PLEKHG7: variants seen among roughly 807,000 people sequenced by gnomAD.
PLEKHG7 encodes pleckstrin homology and RhoGEF domain containing G7, also known as pleckstrin homology domain-containing family G member 7.
In PLEKHG7, 77 loss-of-function variants were observed where a neutral mutation model predicts 85.2. The observed-to-expected ratio is 0.90, with a 90% CI of 0.75 to 1.09. PLEKHG7 has a LOEUF of 1.09. Among genes scored for constraint, PLEKHG7 ranks in the 50% least tolerant of loss-of-function variants. The pLI is 0.00. For synonymous variants in PLEKHG7, 301 were observed against 302.4 expected (o/e 1.00, Z 0.05); for missense variants, 777 against 804.3 (o/e 0.97, Z 0.41).
At position 92,750,737 on chromosome 12, in the gene PLEKHG7, C is replaced by G. The variant is rs377539916; in HGVS notation, c.1252-3353C>G. Among the ~76,000 whole-genome samples, 7 of 152,182 alleles carry G rather than the reference C, an allele frequency of 4.6e-5. No individual in the cohort carries two copies. In the South Asian group the frequency reaches 1.0e-3, roughly 23 times the overall value. On this transcript the variant is annotated intron_variant, in intron 10 of 16. Coordinates refer to ENST00000344636, the MANE Select transcript of PLEKHG7 (RefSeq NM_001377329.1). ...GCCGCTAAAGCATAGCCCTGCTCCC[C>G]TCCACTCCCAGCCTTATCTTCATCT... is the stretch of plus-strand genomic sequence containing the variant.
At chr12:92,720,441 C>G (rs1410780871) in intron 3 of PLEKHG7, among the ~76,000 whole-genome samples, 1 of 151,954 alleles carries the variant, frequency 6.6e-6, no homozygotes, top group African/African-American at 2.4e-5. Context: ...TTCTCATGCC[C>G]CAGTCTCCTG....
chr12:92,707,865 C>T, intron 3 of PLEKHG7, 193 bp downstream of exon 3: 3 of 860,648 alleles, frequency 3.5e-6, no homozygotes, highest in Admixed American at 2.4e-5. Context: ...AAGAGCACAG[C>T]ATTTGGGGGC....
At chr12:92,723,723 G>A (rs1040097881) in intron 3 of PLEKHG7, among the ~76,000 whole-genome samples, 5 of 152,032 alleles carry the variant, frequency 3.3e-5, no homozygotes, top group South Asian at 2.1e-4. Flanking sequence ...TAAAATCCAC[G>A]AAATTTGACC....
intron 13 of PLEKHG7, among the ~76,000 whole-genome samples, chr12:92,756,661 C>T (rs111901953): frequency 0.019 from 2,952 of 152,252 alleles, 102 homozygotes; most frequent in African/African-American, 0.066. Flanking sequence ...AGAACAACTT[C>T]GCTCACGGTC....
intron 10 of PLEKHG7, among the ~76,000 whole-genome samples, chr12:92,747,036 A>G (rs538525789): frequency 1.3e-5 from 2 of 152,346 alleles, no homozygotes; most frequent in East Asian, 3.9e-4. Flanking sequence ...AAATAGTACT[A>G]TATTAAACTA....
chr12:92,764,044 C>T lies in PLEKHG7; in HGVS notation c.1720C>T (p.Leu574Phe), dbSNP rs1216220585. The T allele has an allele frequency of 2.5e-5, 40 of 1,591,104 alleles. No individual in the cohort carries two copies. Among genetic ancestry groups the T allele is most frequent in the Non-Finnish European group, 2.6e-5 (31 of 1,170,442 alleles). The change falls in exon 15 of 17, where the codon CTT becomes TTT. Residue 574 changes from leucine (L) to phenylalanine (F), a missense_variant. This residue lies in a region of PLEKHG7 where 520 missense variants were observed against 544.0 expected (regional missense o/e 0.96). Coordinates refer to ENST00000344636, the MANE Select transcript of PLEKHG7 (RefSeq NM_001377329.1). ...TTATTTTTCTTGTTAATTTCAGAAACTTGGAGGCTCAGACCCTGGTTTAAT... is the reference window on the plus strand; with the variant it reads ...TTATTTTTCTTGTTAATTTCAGAAATTTGGAGGCTCAGACCCTGGTTTAAT... ...VTKTKCNKKK[L>F]GGSDPGLMCP...
chr12:92,761,678 G>T, intron 13 of PLEKHG7, 74 bp from the exon 14 acceptor site: 2 of 1,270,516 alleles, frequency 1.6e-6, no homozygotes, highest in Non-Finnish European at 1.0e-6. Context: ...AAGAAAGAAA[G>T]AAAGAAAGGG....
Position 92,737,749 on chromosome 12 carries a change from G to GAGGAAGGAAGGGA in PLEKHG7, c.939+239_939+240insGAAGGAAGGAAGG, listed in dbSNP as rs71069178. ...GGAAGGAGGGAGGAAGGGAGGGAGG[G>GAGGAAGGAAGGGA]AGGAAGGAAGGAAGGAAGGAAGGGA... is the stretch of plus-strand genomic sequence containing the variant. On this transcript the variant is annotated intron_variant, in intron 7 of 16. Transcript: ENST00000344636. Among the ~76,000 whole-genome samples, 10 of 126,024 alleles carry GAGGAAGGAAGGGA rather than the reference G, an allele frequency of 7.9e-5. 1 individual carries two copies. Among genetic ancestry groups the GAGGAAGGAAGGGA allele is most frequent in the African/African-American group, 1.7e-4 (5 of 30,102 alleles). The allele number at this position is 126,024 out of a possible 152,430, so 82.7% of individuals were successfully genotyped here.
chr12:92,768,851 G>C (rs1241116430), intron 15 of PLEKHG7, 132 bp from the exon 16 acceptor site: 1 of 585,504 alleles, frequency 1.7e-6, no homozygotes, highest in Non-Finnish European at 2.9e-6. Context: ...TTATAAGCTA[G>C]ATAAACCTCC....
At position 92,706,461 on chromosome 12, in the gene PLEKHG7, C is replaced by A; in HGVS notation, c.-161-10C>A. On this transcript the variant is annotated splice_polypyrimidine_tract_variant and intron_variant, in intron 1 of 16. Transcript: ENST00000344636. ...CTACATATTTCACAGTCTGCTCTTC[C>A]TCACTACAGATGCAATAACCTGCTT... is the stretch of plus-strand genomic sequence containing the variant. 2 of 737,962 alleles carry A rather than the reference C, an allele frequency of 2.7e-6. No homozygotes were observed. Among genetic ancestry groups the A allele is most frequent in the Non-Finnish European group, 4.2e-6 (2 of 480,504 alleles). The allele number at this position is 737,962 out of a possible 1,614,324, so 45.7% of individuals were successfully genotyped here. A position where few individuals can be genotyped will look rare whatever the true frequency, so the allele number is the denominator to read the frequency against.
At chr12:92,756,421 A>G (rs557822620) in intron 13 of PLEKHG7, 30 bp downstream of exon 13, 15 of 1,511,614 alleles carry the variant, frequency 9.9e-6, no homozygotes, top group African/African-American at 5.5e-5. Context: ...AAAAAACCCA[A>G]CATCTGTGCC....
chr12:92,739,164 T>C (rs1408269766), intron 7 of PLEKHG7, among the ~76,000 whole-genome samples: 3 of 152,248 alleles, frequency 2.0e-5, no homozygotes, highest in African/African-American at 7.2e-5. Flanking sequence ...ATCCTTGAGC[T>C]AATGGCCAGA....
chr12:92,770,344 A>G lies in PLEKHG7; in HGVS notation c.*149A>G. Reference sequence around the variant, plus strand: ...GAATTTGAAATTTTGAGCTAGGAAAATCCTCAGTATAGAGGAATAATGACT... The same window carrying G: ...GAATTTGAAATTTTGAGCTAGGAAAGTCCTCAGTATAGAGGAATAATGACT... On this transcript the variant is annotated 3_prime_UTR_variant, in exon 17 of 17. Coordinates refer to ENST00000344636, the MANE Select transcript of PLEKHG7 (RefSeq NM_001377329.1). 1.5e-6 allele frequency: 1 copy of G among 645,466 alleles called. No individual in the cohort carries two copies. The highest frequency in any genetic ancestry group is 2.7e-6 in the Non-Finnish European group (1 of 375,362). 40.0% of individuals were successfully genotyped at this position (645,466 alleles called of 1,614,324 possible).
intron 3 of PLEKHG7, among the ~76,000 whole-genome samples, chr12:92,718,004 C>T (rs544864191): frequency 2.0e-5 from 3 of 152,310 alleles, no homozygotes; most frequent in African/African-American, 4.8e-5. Context: ...AATTTTCTAA[C>T]CCCAGAGCTA....
intron 4 of PLEKHG7, among the ~76,000 whole-genome samples, chr12:92,730,403 C>A (rs947278332): frequency 6.6e-6 from 1 of 152,204 alleles, no homozygotes; most frequent in African/African-American, 2.4e-5. Flanking sequence ...AGCAGCTTTG[C>A]CATCACCTGA....
intron 3 of PLEKHG7, among the ~76,000 whole-genome samples, chr12:92,725,616 T>C (rs1871770506): frequency 6.6e-6 from 1 of 152,212 alleles, no homozygotes; most frequent in Non-Finnish European, 1.5e-5. Context: ...CAGCCTTTTA[T>C]AACTGAAAAT....
intron 3 of PLEKHG7, among the ~76,000 whole-genome samples, chr12:92,711,238 G>T (rs1260018524): frequency 2.0e-5 from 3 of 152,152 alleles, no homozygotes; most frequent in Admixed American, 6.5e-5. Context: ...CCACTTTTGG[G>T]TGGTGCCTGC....
rs575411106 is a variant in PLEKHG7, at chr12:92,756,937, G to A, written c.1636+546G>A. ...CCTTGAGGCTGCAGTGCCCTGGAGA[G>A]GCTTCGTGCAGTCCATGGGACTGGA... On this transcript the variant is annotated intron_variant, in intron 13 of 16. Coordinates refer to ENST00000344636, the MANE Select transcript of PLEKHG7 (RefSeq NM_001377329.1). Among the ~76,000 whole-genome samples the A allele has an allele frequency of 5.3e-5, 8 of 152,348 alleles. No homozygotes were observed. In the South Asian group the frequency reaches 1.7e-3, roughly 32 times the overall value.
chr12:92,761,542 A>G (rs28375173), intron 13 of PLEKHG7, among the ~76,000 whole-genome samples: 77 of 28,218 alleles, frequency 2.7e-3, no homozygotes, highest in East Asian at 0.042. Flanking sequence ...GATTAAAAAA[A>G]AGAGAGAAAG....
Sources: allele counts gnomAD v4.1 joint callset (sites outside exome capture counted in the v4.1 genomes callset), GRCh38; gene constraint gnomAD v4.1.1; regional missense constraint gnomAD v4.1.1; transcripts MANE v1.5; gene names NCBI Gene and HGNC (gene_info 2026-07-23, HGNC 2026-07-21).